ERCC3: variants seen among roughly 807,000 people sequenced by gnomAD.
ERCC3 encodes the protein ERCC excision repair 3, TFIIH core complex helicase subunit.
A neutral mutation model predicts 94.2 loss-of-function variants in ERCC3; 66 were observed. The ratio of observed to expected loss-of-function variants is 0.70; its 90% CI spans 0.57 to 0.86. ERCC3 has a LOEUF of 0.86. Ranked by LOEUF, ERCC3 falls within the 40% of genes least tolerant of loss-of-function variation. The pLI is 0.00. For synonymous variants in ERCC3, 349 were observed against 369.1 expected, an observed-to-expected ratio of 0.95 and a Z score of 0.63; for missense variants, 829 against 987.1, an observed-to-expected ratio of 0.84 and a Z score of 2.15.
intron 7 of ERCC3, among the ~76,000 whole-genome samples, chr2:127,287,643 A>G (rs1314371904): frequency 6.6e-6 from 1 of 152,156 alleles, no homozygotes; most frequent in African/African-American, 2.4e-5. Flanking sequence ...CAAAAAGAAA[A>G]AAGAAAGATT....
At position 127,290,244 on chromosome 2, in the gene ERCC3, C is replaced by G. The variant is rs772817885; in HGVS notation, c.501G>C (p.Lys167Asn). 1.9e-6 allele frequency: 3 copies of G among 1,613,968 alleles called. No individual in the cohort carries two copies. In the African/African-American group the frequency reaches 4.0e-5, roughly 22 times the overall value. Reference protein sequence around the residue: ...KLCTVSYGKVKLVLKHNRYFV... With the variant: ...KLCTVSYGKVNLVLKHNRYFV... ...CTTACCTGTTGTGCTTCAAGACCAG[C>G]TTGACTTTTCCATAGCTGACAGTAC... is the stretch of plus-strand genomic sequence containing the variant. The change falls in exon 4 of 15, where the codon AAG becomes AAC. Residue 167 changes from lysine to asparagine, a missense_variant. Physicochemically the swap from Lys to Asn is moderately conservative, Grantham distance 94. Coordinates refer to ENST00000285398, the MANE Select transcript of ERCC3 (RefSeq NM_000122.2).
Position 127,257,629 on chromosome 2 carries a change from A to C in ERCC3, c.2316T>G (p.His772Gln), listed in dbSNP as rs1558944942. The C allele has an allele frequency of 6.2e-7, 1 of 1,614,142 alleles. No homozygotes were observed. Among genetic ancestry groups the C allele is most frequent in the Non-Finnish European group, 8.5e-7 (1 of 1,180,030 alleles). Residue 772 changes from histidine (H) to glutamine (Q), a missense_variant, in exon 15 of 15, where the codon CAT (histidine) becomes CAG (glutamine). His to Gln is a conservative substitution (Grantham distance 24). Transcript: ENST00000285398. This position sits in a 1 kb window ranked among gnomAD's most constrained non-coding sequence, Gnocchi z 5.4. ...HSSRSKAPSK[H>Q]VHPLFKRFRK ...TAAAGCGCTTGAAGAGCGGGTGTAC[A>C]TGTTTGCTGGGCGCCTTGCTCCGCG...
At chr2:127,269,495 CACTG>C (rs2104745049) in intron 12 of ERCC3, among the ~76,000 whole-genome samples, 1 of 147,628 alleles carries the variant, frequency 6.8e-6, no homozygotes, top group East Asian at 2.0e-4. Context: ...AATCTCGGCT[CACTG>C]TAAGCTCTGC....
At chr2:127,273,130 G>A (rs1321590477) in intron 10 of ERCC3, among the ~76,000 whole-genome samples, 169 bp from the exon 11 acceptor site, 1 of 152,166 alleles carries the variant, frequency 6.6e-6, no homozygotes, top group Non-Finnish European at 1.5e-5. Flanking sequence ...GCACCTCCCA[G>A]CCTTCCCCAC....
In ERCC3 at chr2:127,279,422, A is replaced by G. The variant is rs777028981; in HGVS notation, c.1528-47T>C. Reference sequence around the variant, plus strand: ...GGGTCATTTTACAAGTTTAAACACCACACAATTTAAAACTTTTGAAGACCT... The same window carrying G: ...GGGTCATTTTACAAGTTTAAACACCGCACAATTTAAAACTTTTGAAGACCT... On this transcript the variant is annotated intron_variant, in intron 9 of 14. Coordinates refer to ENST00000285398, the MANE Select transcript of ERCC3 (RefSeq NM_000122.2). This position sits in a 1 kb window ranked among gnomAD's most constrained non-coding sequence, Gnocchi z 4.7. 7.0e-7 allele frequency: 1 copy of G among 1,423,022 alleles called. No homozygotes were observed. The highest frequency in any genetic ancestry group is 1.1e-5 in the South Asian group (1 of 87,280). The allele number at this position is 1,423,022 out of a possible 1,614,324, so 88.1% of individuals were successfully genotyped here.
In ERCC3 at chr2:127,280,303, C is replaced by T. The variant is rs1351305648; in HGVS notation, c.1527+144G>A. 1.3e-6 allele frequency: 1 copy of T among 771,534 alleles called. No homozygotes were observed. The highest frequency in any genetic ancestry group is 1.7e-5 in the African/African-American group (1 of 58,180). 47.8% of individuals were successfully genotyped at this position (771,534 alleles called of 1,614,324 possible). A position where few individuals can be genotyped will look rare whatever the true frequency, so the allele number is the denominator to read the frequency against. On this transcript the variant is annotated intron_variant, in intron 9 of 14. Transcript: ENST00000285398. This position sits in a 1 kb window ranked among gnomAD's most constrained non-coding sequence, Gnocchi z 6.3. ...AAGTGGGTCTAGTACCACCCAACCA[C>T]AGGGTGACTGAGGATCCTGTATGAA... is the stretch of plus-strand genomic sequence containing the variant.
At chr2:127,290,673 A>G (rs887140294) in intron 3 of ERCC3, 2 of 298,752 alleles carry the variant, frequency 6.7e-6, no homozygotes, top group Non-Finnish European at 1.3e-5. Context: ...CAATGCTCCT[A>G]TTTCCCCAAA....
In ERCC3 at chr2:127,292,854, A is replaced by T; in HGVS notation, c.235-8T>A. The T allele has an allele frequency of 6.4e-7, 1 of 1,562,178 alleles. No individual in the cohort carries two copies. The highest frequency in any genetic ancestry group is 8.8e-7 in the Non-Finnish European group (1 of 1,134,048). On this transcript the variant is annotated splice_polypyrimidine_tract_variant and splice_region_variant and intron_variant, in intron 2 of 14. Transcript: ENST00000285398. ...GATATGGCCATCGGGAGCCTGAGAG[A>T]TACCAAATGGACAAAACAGACAAGG...
rs371767613 is a variant in ERCC3 at position 127,280,523 on chromosome 2, A to G, written c.1451T>C (p.Ile484Thr). 1 of 1,614,026 alleles carries G rather than the reference A, an allele frequency of 6.2e-7. No individual in the cohort carries two copies. The highest frequency in any genetic ancestry group is 1.1e-5 in the South Asian group (1 of 91,074). Residue 484 changes from isoleucine (I) to threonine (T), a missense_variant, in exon 9 of 15, where the codon ATT (isoleucine) becomes ACT (threonine). By Grantham distance (89) the Ile-to-Thr change is moderately conservative. Transcript: ENST00000285398. This position sits in a 1 kb window ranked among gnomAD's most constrained non-coding sequence, Gnocchi z 6.3. ...GTTGGCTTCGTAGAGCTTAGGCCCA[A>G]TCAGAAAATTTAAATCCACAATTTT... ...DDKIVDLNFL[I>T]GPKLYEANWM...
rs1684758530 is a variant in ERCC3 at position 127,277,227 on chromosome 2, T to C, written c.1730+1946A>G. Reference sequence around the variant, plus strand: ...ACAGAGTAAGCGAATGGAGTGCTGGTGGGGATCCCACTGGGGAAACAGAAA... The same window carrying C: ...ACAGAGTAAGCGAATGGAGTGCTGGCGGGGATCCCACTGGGGAAACAGAAA... On this transcript the variant is annotated intron_variant, in intron 10 of 14. Transcript: ENST00000285398. The surrounding 1 kb of genome is among the most constrained non-coding windows in gnomAD (Gnocchi z 5.1). Among the ~76,000 whole-genome samples, 1 of 151,974 alleles carries C rather than the reference T, an allele frequency of 6.6e-6. No homozygotes were observed.
At chr2:127,289,578 G>A (rs1685195549) in intron 5 of ERCC3, 77 bp from the exon 6 acceptor site, 1 of 1,602,334 alleles carries the variant, frequency 6.2e-7, no homozygotes, top group Admixed American at 1.7e-5. Context: ...AAGTTGTAAA[G>A]GGTAGAACCA....
chr2:127,278,151 T>C (rs142633590), intron 10 of ERCC3, among the ~76,000 whole-genome samples: 221 of 151,604 alleles, frequency 1.5e-3, no homozygotes, highest in African/African-American at 4.8e-3. Flanking sequence ...GGTGGAAGGA[T>C]TGATTGAGCC....
chr2:127,290,667 GCTC>G (rs1485381584), intron 3 of ERCC3: 2 of 302,928 alleles, frequency 6.6e-6, no homozygotes, highest in Non-Finnish European at 1.3e-5. Context: ...CTTCACCAAT[GCTC>G]CTATTTCCCC....
intron 3 of ERCC3, chr2:127,292,144 A>G: frequency 7.0e-6 from 2 of 284,884 alleles, no homozygotes; most frequent in South Asian, 3.6e-5. Context: ...GAGGACACTA[A>G]TCATAGCGGA....
At chr2:127,288,056 C>T (rs548905942) in intron 7 of ERCC3, among the ~76,000 whole-genome samples, 1 of 152,224 alleles carries the variant, frequency 6.6e-6, no homozygotes, top group East Asian at 1.9e-4. Context: ...CCCTGAAGAC[C>T]TTGCCTCTGT....
chr2:127,267,665 T>C (rs1684417283), intron 12 of ERCC3, among the ~76,000 whole-genome samples: 1 of 152,158 alleles, frequency 6.6e-6, no homozygotes, highest in Admixed American at 6.6e-5. Flanking sequence ...GGTTGCTCTG[T>C]AGTTTGGATT....
intron 8 of ERCC3, among the ~76,000 whole-genome samples, chr2:127,282,920 A>G (rs1684961364): frequency 6.6e-6 from 1 of 152,066 alleles, no homozygotes; most frequent in Non-Finnish European, 1.5e-5. Context: ...GGCTTGGGTT[A>G]AAGAAAAACA....
In ERCC3 at chr2:127,274,060, T is replaced by C. The variant is rs1251146244; in HGVS notation, c.1731-1099A>G. Among the ~76,000 whole-genome samples, 1 of 151,080 alleles carries C rather than the reference T, an allele frequency of 6.6e-6. No individual in the cohort carries two copies. Among genetic ancestry groups the C allele is most frequent in the African/African-American group, 2.4e-5 (1 of 41,056 alleles). ...CAGGCGCGGTGGCTCACACCTGTAATCCCAGCACTTTGGGAGGCGGAGGTG... is the reference window on the plus strand; with the variant it reads ...CAGGCGCGGTGGCTCACACCTGTAACCCCAGCACTTTGGGAGGCGGAGGTG... On this transcript the variant is annotated intron_variant, in intron 10 of 14. Transcript: ENST00000285398. This position sits in a 1 kb window ranked among gnomAD's most constrained non-coding sequence, Gnocchi z 4.0.
At position 127,274,140 on chromosome 2, in the gene ERCC3, C is replaced by T. The variant is rs995499275; in HGVS notation, c.1731-1179G>A. On this transcript the variant is annotated intron_variant, in intron 10 of 14. Coordinates refer to ENST00000285398, the MANE Select transcript of ERCC3 (RefSeq NM_000122.2). This position sits in a 1 kb window ranked among gnomAD's most constrained non-coding sequence, Gnocchi z 4.0. ...ACCAGCCTGGCCAACATGGTGAGAC[C>T]CCATCTCTACTAAAAATAAAAAAAA... Among the ~76,000 whole-genome samples, 2 of 151,302 alleles carry T rather than the reference C, an allele frequency of 1.3e-5. No homozygotes were observed. Among genetic ancestry groups the T allele is most frequent in the Admixed American group, 6.6e-5 (1 of 15,164 alleles).
Sources: allele counts gnomAD v4.1 joint callset (sites outside exome capture counted in the v4.1 genomes callset), GRCh38; gene constraint gnomAD v4.1.1; non-coding constraint Gnocchi (gnomAD v3.1); transcripts MANE v1.5; gene names NCBI Gene and HGNC (gene_info 2026-07-23, HGNC 2026-07-21).